The following ITFG1 variants were observed in gnomAD, a reference collection of about 807,000 sequenced individuals.
ITFG1 encodes T-cell immunomodulatory protein.
Under a neutral mutation model 81.8 loss-of-function variants are expected in ITFG1, and 34 were observed. The observed-to-expected ratio is 0.42, with a 90% CI of 0.32 to 0.55. The LOEUF is 0.55. Among genes scored for constraint, ITFG1 ranks in the 20% least tolerant of loss-of-function variants. The pLI, the probability that ITFG1 is intolerant of heterozygous loss-of-function variation, is 0.17. For synonymous variants in ITFG1, 285 were observed against 270.6 expected (o/e 1.05, Z -0.52); for missense variants, 672 against 755.4 (o/e 0.89, Z 1.29).
At chr16:47,411,656 T>C (rs557350039) in intron 6 of ITFG1, among the ~76,000 whole-genome samples, 12 of 152,230 alleles carry the variant, frequency 7.9e-5, no homozygotes, top group African/African-American at 2.9e-4. Flanking sequence ...TGACCCACCT[T>C]TGACTCGGAC....
At chr16:47,156,676 GAA>G (rs1028017240) in intron 17 of ITFG1, among the ~76,000 whole-genome samples, 1 of 152,178 alleles carries the variant, frequency 6.6e-6, no homozygotes, top group African/African-American at 2.4e-5. Context: ...GGAAAGCTTT[GAA>G]AAGACAGGGA....
Position 47,174,320 on chromosome 16 carries a change from T to G in ITFG1, c.1454-11656A>C, listed in dbSNP as rs1964996129. Among the ~76,000 whole-genome samples, 3 of 152,156 alleles carry G rather than the reference T, an allele frequency of 2.0e-5. No individual in the cohort carries two copies. In the South Asian group the frequency reaches 6.2e-4, roughly 32 times the overall value. ...ATTAGATTCTAGCGCTAGAATACTCTAGCTCTGACATCTATTTGTCAAAAA... is the reference window on the plus strand; with the variant it reads ...ATTAGATTCTAGCGCTAGAATACTCGAGCTCTGACATCTATTTGTCAAAAA... On this transcript the variant is annotated intron_variant, in intron 14 of 17. Coordinates refer to ENST00000320640, the MANE Select transcript of ITFG1 (RefSeq NM_030790.5).
At chr16:47,244,698 A>G (rs765212380) in intron 12 of ITFG1, among the ~76,000 whole-genome samples, 1 of 144,730 alleles carries the variant, frequency 6.9e-6, no homozygotes, top group Non-Finnish European at 1.5e-5. Context: ...CCCTCCCTCA[A>G]AGTCATATGT....
intron 8 of ITFG1, among the ~76,000 whole-genome samples, chr16:47,347,966 T>C (rs1967884195): frequency 6.6e-6 from 1 of 152,150 alleles, no homozygotes; most frequent in African/African-American, 2.4e-5. Flanking sequence ...GGAGTGGACC[T>C]CCAACAAACT....
chr16:47,349,707 G>C (rs1383237002), intron 8 of ITFG1, among the ~76,000 whole-genome samples: 1 of 152,188 alleles, frequency 6.6e-6, no homozygotes, highest in East Asian at 1.9e-4. Flanking sequence ...GGACCAAGCA[G>C]ACCTAACAGA....
intron 10 of ITFG1, among the ~76,000 whole-genome samples, chr16:47,307,706 T>C (rs967175913): frequency 2.6e-5 from 4 of 152,230 alleles, no homozygotes; most frequent in Non-Finnish European, 4.4e-5. Flanking sequence ...GTATACTGCA[T>C]GGTACTGAGT....
At chr16:47,449,175 T>C (rs79606914) in intron 5 of ITFG1, 1 of 152,336 alleles carries the variant, frequency 6.6e-6, no homozygotes, top group East Asian at 1.9e-4. Context: ...TTAAAGATCA[T>C]TGCATGCTTC....
intron 10 of ITFG1, among the ~76,000 whole-genome samples, chr16:47,265,009 C>T (rs1306943152): frequency 6.6e-6 from 1 of 152,024 alleles, no homozygotes; most frequent in East Asian, 1.9e-4. Context: ...TAGTACATTA[C>T]CTTCAAACAG....
chr16:47,307,321 A>G (rs1410848933), intron 10 of ITFG1, among the ~76,000 whole-genome samples: 5 of 152,068 alleles, frequency 3.3e-5, no homozygotes, highest in Non-Finnish European at 7.4e-5. Context: ...AATGTGTAAT[A>G]TATCTTTTAA....
intron 3 of ITFG1, 36 bp from the exon 4 acceptor site, chr16:47,452,826 G>A: frequency 1.8e-6 from 2 of 1,102,560 alleles, no homozygotes; most frequent in South Asian, 1.6e-5. Flanking sequence ...GAATTAGCAG[G>A]CATTTTATAT....
At chr16:47,380,894 A>G (rs1409060864) in intron 6 of ITFG1, among the ~76,000 whole-genome samples, 4 of 152,268 alleles carry the variant, frequency 2.6e-5, no homozygotes, top group African/African-American at 9.6e-5. Flanking sequence ...TTCAGGATTT[A>G]AACTCCAAAC....
At chr16:47,429,523 C>T (rs1370815093) in intron 5 of ITFG1, among the ~76,000 whole-genome samples, 1 of 152,194 alleles carries the variant, frequency 6.6e-6, no homozygotes, top group African/African-American at 2.4e-5. Context: ...CTGTTTTCCA[C>T]TTCACCATCT....
Position 47,333,247 on chromosome 16 carries a change from G to A in ITFG1, c.803-19424C>T, listed in dbSNP as rs145246594. ...AACAGAGTATTATCTTTAATTTACA[G>A]ATGAGGACATTGATGCTTGGTAATA... On this transcript the variant is annotated intron_variant, in intron 8 of 17. Transcript: ENST00000320640. 3.6e-3 allele frequency among the ~76,000 whole-genome samples: 546 copies of A among 152,222 alleles called. 3 individuals are homozygous for A. Among genetic ancestry groups the A allele is most frequent in the African/African-American group, 0.013 (528 of 41,542 alleles).
At chr16:47,160,232 C>T (rs1037930766) in intron 16 of ITFG1, among the ~76,000 whole-genome samples, 9 of 150,440 alleles carry the variant, frequency 6.0e-5, no homozygotes, top group Admixed American at 6.0e-4. Flanking sequence ...TCAGTTTTCT[C>T]CTCAGAGGCA....
intron 12 of ITFG1, among the ~76,000 whole-genome samples, chr16:47,244,343 T>A (rs1311114850): frequency 6.6e-6 from 1 of 152,132 alleles, no homozygotes; most frequent in Non-Finnish European, 1.5e-5. Flanking sequence ...GTGATTGGCA[T>A]CTGCAATGTG....
At chr16:47,413,583 C>T (rs781574050) in intron 6 of ITFG1, among the ~76,000 whole-genome samples, 20 of 152,164 alleles carry the variant, frequency 1.3e-4, no homozygotes, top group Non-Finnish European at 2.2e-4. Flanking sequence ...GTAATCCCAT[C>T]TACTTGGGAG....
At chr16:47,458,482 A>C (rs532500673) in intron 2 of ITFG1, among the ~76,000 whole-genome samples, 3 of 152,172 alleles carry the variant, frequency 2.0e-5, no homozygotes, top group African/African-American at 7.2e-5. Context: ...TTGAATTCAG[A>C]CAGCCACGAA....
At chr16:47,322,811 CTT>C (rs1271877225) in intron 8 of ITFG1, among the ~76,000 whole-genome samples, 4 of 152,192 alleles carry the variant, frequency 2.6e-5, no homozygotes, top group Non-Finnish European at 4.4e-5. Context: ...AATCTACTCT[CTT>C]ATCAATTTCC....
intron 2 of ITFG1, among the ~76,000 whole-genome samples, chr16:47,457,701 T>C (rs1035242649): frequency 3.3e-5 from 5 of 152,174 alleles, no homozygotes; most frequent in African/African-American, 1.2e-4. Context: ...GAAAGTGCAT[T>C]GCATTAATAA....
Sources: allele counts gnomAD v4.1 joint callset (sites outside exome capture counted in the v4.1 genomes callset), GRCh38; gene constraint gnomAD v4.1.1; transcripts MANE v1.5; gene names NCBI Gene and HGNC (gene_info 2026-07-23, HGNC 2026-07-21).